Variants in DPP10 observed in about 807,000 individuals in gnomAD.
DPP10 encodes the protein dipeptidyl peptidase like 10.
In DPP10, 33 loss-of-function variants were observed where a neutral mutation model predicts 120.9. The observed-to-expected ratio is 0.27, with a 90% CI of 0.21 to 0.37. The LOEUF is 0.37. DPP10 is among the 10% of genes least tolerant of loss of function. The pLI is 1.00. For missense variants in DPP10, 816 were observed against 942.8 expected (o/e 0.87, Z 1.76); for synonymous variants, 337 against 326.1 (o/e 1.03, Z -0.36).
chr2:115,530,397 C>T (rs927756598), intron 5 of DPP10, among the ~76,000 whole-genome samples: 3 of 151,950 alleles, frequency 2.0e-5, no homozygotes, highest in Non-Finnish European at 4.4e-5. Flanking sequence ...AACTTTTACT[C>T]AGGGTAATCA....
chr2:114,692,883 C>T (rs1350648742), intron 1 of DPP10, among the ~76,000 whole-genome samples: 56 of 151,988 alleles, frequency 3.7e-4, no homozygotes, highest in Non-Finnish European at 3.2e-4. Context: ...TCTGTTTTGT[C>T]AGAAACTAGG....
At chr2:114,553,351 G>A (rs1372953183) in intron 1 of DPP10, among the ~76,000 whole-genome samples, 1 of 152,172 alleles carries the variant, frequency 6.6e-6, no homozygotes, top group Non-Finnish European at 1.5e-5. Context: ...ATCCACAGCT[G>A]GAGTTGAAAC....
intron 3 of DPP10, among the ~76,000 whole-genome samples, chr2:115,403,882 A>G (rs937881164): frequency 6.6e-6 from 1 of 152,220 alleles, no homozygotes; most frequent in Non-Finnish European, 1.5e-5. Flanking sequence ...GAACTGATCA[A>G]TGAATGCACT....
intron 1 of DPP10, among the ~76,000 whole-genome samples, chr2:114,953,616 G>T (rs1213066072): frequency 2.0e-5 from 3 of 152,016 alleles, no homozygotes; most frequent in African/African-American, 7.2e-5. Flanking sequence ...AACTTATAAA[G>T]ATGAGTATCC....
chr2:115,802,288 G>T (rs1255756855), intron 19 of DPP10, among the ~76,000 whole-genome samples: 2 of 152,006 alleles, frequency 1.3e-5, no homozygotes. Context: ...TATCCCCTTT[G>T]TCATTTTTTA....
intron 1 of DPP10, among the ~76,000 whole-genome samples, chr2:114,590,835 CTG>C (rs2105156464): frequency 6.6e-6 from 1 of 152,322 alleles, no homozygotes; most frequent in African/African-American, 2.4e-5. Flanking sequence ...TACAATTTAA[CTG>C]TAATTTCATA....
At chr2:115,297,543 G>C (rs1343214258) in intron 1 of DPP10, among the ~76,000 whole-genome samples, 6 of 152,012 alleles carry the variant, frequency 3.9e-5, no homozygotes, top group Admixed American at 3.9e-4. Context: ...TTCTGGGTTT[G>C]TTATATTCAT....
At chr2:114,595,084 G>A (rs1264885534) in intron 1 of DPP10, among the ~76,000 whole-genome samples, 2 of 152,036 alleles carry the variant, frequency 1.3e-5, no homozygotes, top group African/African-American at 4.8e-5. Flanking sequence ...GGAAAAGAAT[G>A]CTTCTAAATG....
intron 3 of DPP10, among the ~76,000 whole-genome samples, chr2:115,466,011 A>G (rs1457631392): frequency 6.6e-6 from 1 of 152,160 alleles, no homozygotes; most frequent in East Asian, 1.9e-4. Context: ...ACAGGTAACT[A>G]TATTTTAAAA....
At chr2:115,629,320 G>A (rs2085643359) in intron 5 of DPP10, among the ~76,000 whole-genome samples, 1 of 151,936 alleles carries the variant, frequency 6.6e-6, no homozygotes, top group Admixed American at 6.6e-5. Flanking sequence ...TAATCCTTTG[G>A]ATATATACCC....
chr2:114,900,009 G>C (rs537823292), intron 1 of DPP10, among the ~76,000 whole-genome samples: 10 of 152,294 alleles, frequency 6.6e-5, no homozygotes, highest in African/African-American at 2.4e-4. Context: ...TTATGTAGCT[G>C]TAGTTTGTGC....
chr2:114,989,205 TG>T (rs1277251078), intron 1 of DPP10, among the ~76,000 whole-genome samples: 4 of 152,202 alleles, frequency 2.6e-5, no homozygotes, highest in African/African-American at 9.6e-5. Flanking sequence ...GAGCTATTGT[TG>T]TTTGAGTGGT....
intron 1 of DPP10, among the ~76,000 whole-genome samples, chr2:114,550,771 C>T (rs1687820354): frequency 6.6e-6 from 1 of 152,102 alleles, no homozygotes; most frequent in Non-Finnish European, 1.5e-5. Flanking sequence ...TCTGTGTTTC[C>T]CCAGACAACC....
intron 1 of DPP10, among the ~76,000 whole-genome samples, chr2:114,730,884 C>A (rs1035766936): frequency 1.3e-5 from 2 of 151,810 alleles, no homozygotes; most frequent in African/African-American, 4.8e-5. Flanking sequence ...GCAACTGCAC[C>A]TGGTCCAGCT....
chr2:114,472,929 C>A (rs1299878762), intron 1 of DPP10, among the ~76,000 whole-genome samples: 1 of 152,156 alleles, frequency 6.6e-6, no homozygotes, highest in East Asian at 1.9e-4. Context: ...CTCCCATCAC[C>A]ATAGCAACCA....
intron 1 of DPP10, among the ~76,000 whole-genome samples, chr2:114,747,016 A>C (rs764321685): frequency 5.3e-5 from 8 of 152,314 alleles, no homozygotes; most frequent in Non-Finnish European, 1.2e-4. Context: ...ACATTCTTAG[A>C]ATACTCTCTA....
intron 1 of DPP10, among the ~76,000 whole-genome samples, chr2:114,585,972 G>A (rs958120568): frequency 6.6e-6 from 1 of 152,224 alleles, no homozygotes; most frequent in African/African-American, 2.4e-5. Context: ...TTATGGCCCA[G>A]TATGATGGCT....
At chr2:114,865,183 A>G (rs144397163) in intron 1 of DPP10, among the ~76,000 whole-genome samples, 8 of 152,336 alleles carry the variant, frequency 5.3e-5, no homozygotes, top group African/African-American at 1.7e-4. Context: ...CTAGGTGTTT[A>G]CATACGCTGG....
chr2:115,659,830 C>T (rs925439018), intron 5 of DPP10, among the ~76,000 whole-genome samples: 1 of 152,168 alleles, frequency 6.6e-6, no homozygotes, highest in East Asian at 1.9e-4. Flanking sequence ...AAGTTTCTTT[C>T]GGTTTTGACT....
Sources: allele counts gnomAD v4.1 joint callset (sites outside exome capture counted in the v4.1 genomes callset), GRCh38; gene constraint gnomAD v4.1.1; transcripts MANE v1.5; gene names NCBI Gene and HGNC (gene_info 2026-07-23, HGNC 2026-07-21).